PIK3C3: variants seen among roughly 807,000 people sequenced by gnomAD.
The protein encoded by PIK3C3 is PI3-kinase type 3.
In PIK3C3, 95 loss-of-function variants were observed where a neutral mutation model predicts 126.1. The observed-to-expected ratio is 0.75, with a 90% CI of 0.64 to 0.89. The LOEUF is 0.89. Among genes scored for constraint, PIK3C3 ranks in the 40% least tolerant of loss-of-function variants. The pLI is 0.00. For synonymous variants in PIK3C3, 374 were observed against 360.0 expected, an observed-to-expected ratio of 1.04 and a Z score of -0.44; for missense variants, 829 against 1,063.2, an observed-to-expected ratio of 0.78 and a Z score of 3.06.
chr18:42,037,842 T>C (rs571572407), intron 17 of PIK3C3, 22 bp downstream of exon 17: 1 of 1,588,146 alleles, frequency 6.3e-7, no homozygotes, highest in South Asian at 1.1e-5. Flanking sequence ...CTTATGTTGG[T>C]GGGGAACATT....
In PIK3C3 at chr18:42,076,188, A is replaced by C. The variant is rs1167558248; in HGVS notation, c.2650-4935A>C. On this transcript the variant is annotated intron_variant, in intron 24 of 24. Coordinates refer to ENST00000262039, the MANE Select transcript of PIK3C3 (RefSeq NM_002647.4). ...CACATATATATATATGCACATATAT[A>C]TATGCACACATATATATATGCACAT... Among the ~76,000 whole-genome samples the C allele has an allele frequency of 6.8e-5, 8 of 118,288 alleles. No homozygotes were observed. The South Asian group carries it at 1.9e-3, about 28-fold the overall frequency. 77.6% of individuals were successfully genotyped at this position (118,288 alleles called of 152,430 possible). A position where few individuals can be genotyped will look rare whatever the true frequency, so the allele number is the denominator to read the frequency against.
chr18:42,032,987 C>G (rs1024058201), intron 15 of PIK3C3, among the ~76,000 whole-genome samples: 2 of 152,112 alleles, frequency 1.3e-5, no homozygotes, highest in African/African-American at 4.8e-5. Flanking sequence ...CCCAGCAGCA[C>G]AAAGCACTTC....
rs1980779467 is a variant in PIK3C3, at chr18:41,973,697, CA to C, written c.531+3245del. Among the ~76,000 whole-genome samples, 3 of 152,022 alleles carry C rather than the reference CA, an allele frequency of 2.0e-5. No individual in the cohort carries two copies. The South Asian group carries it at 6.2e-4, about 31-fold the overall frequency. ...TCAGTTAGATTGTCACTCTCTTTCT[CA>C]AAACGTTTTGAAATTGTATTAGGTA... On this transcript the variant is annotated intron_variant, in intron 4 of 24. Coordinates refer to ENST00000262039, the MANE Select transcript of PIK3C3 (RefSeq NM_002647.4).
chr18:42,074,870 G>C (rs1174140766), intron 24 of PIK3C3, among the ~76,000 whole-genome samples: 1 of 151,996 alleles, frequency 6.6e-6, no homozygotes, highest in African/African-American at 2.4e-5. Flanking sequence ...TGCCAGACTA[G>C]AGAACATGGG....
intron 6 of PIK3C3, among the ~76,000 whole-genome samples, chr18:41,990,933 CTG>C (rs1292872057): frequency 2.0e-5 from 3 of 152,052 alleles, no homozygotes; most frequent in Non-Finnish European, 4.4e-5. Context: ...AGTTAAGAGT[CTG>C]TTTGTTATTT....
intron 22 of PIK3C3, among the ~76,000 whole-genome samples, chr18:42,064,289 A>G (rs1039306420): frequency 3.3e-5 from 5 of 152,162 alleles, no homozygotes; most frequent in Non-Finnish European, 5.9e-5. Context: ...CTCAGGAGTG[A>G]TTCATGGGAT....
At chr18:41,974,636 G>C (rs1490949206) in intron 4 of PIK3C3, among the ~76,000 whole-genome samples, 3 of 142,808 alleles carry the variant, frequency 2.1e-5, no homozygotes, top group Non-Finnish European at 4.5e-5. Context: ...CGTTTGAATT[G>C]ATTTGTGAAA....
intron 20 of PIK3C3, 23 bp from the exon 21 acceptor site, chr18:42,049,508 A>T (rs777888902): frequency 4.4e-6 from 7 of 1,584,832 alleles, no homozygotes; most frequent in South Asian, 1.1e-5. Context: ...GTTTTCACAT[A>T]TTTTTTTTAA....
chr18:42,001,857 C>G (rs988831803), intron 9 of PIK3C3, among the ~76,000 whole-genome samples: 9 of 152,140 alleles, frequency 5.9e-5, no homozygotes, highest in African/African-American at 2.2e-4. Flanking sequence ...CTTTCACTGT[C>G]ATTATTTAAG....
chr18:42,033,697 C>A, intron 15 of PIK3C3, 129 bp from the exon 16 acceptor site: 1 of 578,106 alleles, frequency 1.7e-6, no homozygotes, highest in Non-Finnish European at 2.9e-6. Context: ...ACAACACCAT[C>A]TCCTTTATAT....
intron 19 of PIK3C3, among the ~76,000 whole-genome samples, chr18:42,041,181 C>G: frequency 6.9e-6 from 1 of 144,634 alleles, no homozygotes; most frequent in Non-Finnish European, 1.5e-5. Context: ...GATTCTGTGT[C>G]AAAAAAAAAC....
rs147695854 is a variant in PIK3C3, at chr18:42,085,574, A to G, written c.*4437A>G. On this transcript the variant is annotated 3_prime_UTR_variant, in exon 25 of 25. Transcript: ENST00000262039. ...AAAATGAGTCTAGTGGACCCACTGCATAGTGTAACTTTGGGATGAATTTAA... is the reference window on the plus strand; with the variant it reads ...AAAATGAGTCTAGTGGACCCACTGCGTAGTGTAACTTTGGGATGAATTTAA... The G allele has an allele frequency of 9.9e-4, 151 of 152,340 alleles. 1 individual carries two copies. The highest frequency in any genetic ancestry group is 3.4e-3 in the African/African-American group (140 of 41,578). The allele number at this position is 152,340 out of a possible 1,614,324, so 9.4% of individuals were successfully genotyped here.
chr18:42,034,670 A>G (rs1983969400), intron 16 of PIK3C3, among the ~76,000 whole-genome samples: 1 of 152,196 alleles, frequency 6.6e-6, no homozygotes, highest in South Asian at 2.1e-4. Context: ...TTCTCTAATC[A>G]TGCTCAAAGG....
At chr18:42,061,998 C>T (rs953756384) in intron 22 of PIK3C3, among the ~76,000 whole-genome samples, 2 of 151,806 alleles carry the variant, frequency 1.3e-5, no homozygotes, top group African/African-American at 2.4e-5. Flanking sequence ...GTTCTGGACT[C>T]GCTCATATTT....
intron 10 of PIK3C3, among the ~76,000 whole-genome samples, chr18:42,009,628 A>G (rs966660786): frequency 6.7e-6 from 1 of 148,254 alleles, no homozygotes; most frequent in Non-Finnish European, 1.5e-5. Context: ...ACATTATGTA[A>G]TGTACATTAT....
At chr18:42,078,723 T>C (rs1455449217) in intron 24 of PIK3C3, among the ~76,000 whole-genome samples, 1 of 152,236 alleles carries the variant, frequency 6.6e-6, no homozygotes, top group Non-Finnish European at 1.5e-5. Context: ...TGATCTTAGC[T>C]AAATGGTAGA....
intron 20 of PIK3C3, among the ~76,000 whole-genome samples, chr18:42,044,218 C>T (rs1984456264): frequency 6.6e-6 from 1 of 152,050 alleles, no homozygotes; most frequent in Non-Finnish European, 1.5e-5. Flanking sequence ...AGAGGGTGCC[C>T]TTGTGGTATT....
At chr18:41,971,639 C>T in intron 4 of PIK3C3, among the ~76,000 whole-genome samples, 1 of 151,996 alleles carries the variant, frequency 6.6e-6, no homozygotes, top group East Asian at 1.9e-4. Flanking sequence ...GATGATCTTT[C>T]ATTTGAGCTA....
At chr18:42,074,033 G>A (rs764415181) in intron 24 of PIK3C3, among the ~76,000 whole-genome samples, 66 of 152,248 alleles carry the variant, frequency 4.3e-4, no homozygotes, top group Non-Finnish European at 8.4e-4. Context: ...CAGTACTTGT[G>A]CTGGTGTTAA....
Sources: allele counts gnomAD v4.1 joint callset (sites outside exome capture counted in the v4.1 genomes callset), GRCh38; gene constraint gnomAD v4.1.1; transcripts MANE v1.5; gene names NCBI Gene and HGNC (gene_info 2026-07-23, HGNC 2026-07-21).